Variants in RANBP17 observed in about 807,000 individuals in gnomAD.
RANBP17 encodes the protein RAN binding protein 17, also known as ran-binding protein 17.
A neutral mutation model predicts 141.2 loss-of-function variants in RANBP17; 158 were observed. That is an observed-to-expected ratio of 1.12 (90% CI 0.98 to 1.28). The LOEUF (loss-of-function observed/expected upper bound fraction) is 1.28, where lower values mean the gene tolerates loss of function less well. RANBP17 is among the 50% of genes most tolerant of loss of function. The pLI is 0.00. For synonymous variants in RANBP17, 430 were observed against 450.0 expected (o/e 0.96, Z 0.56); for missense variants, 1,438 against 1,290.7 (o/e 1.11, Z -1.75).
rs976880038 is a variant in RANBP17 at position 171,022,060 on chromosome 5, A to C, written c.1710+53683A>C. 2.6e-5 allele frequency among the ~76,000 whole-genome samples: 4 copies of C among 151,802 alleles called. No individual in the cohort carries two copies. The East Asian group carries it at 7.8e-4, about 29-fold the overall frequency. The stretch of plus-strand genomic sequence containing the variant: ...TGTAGGGTTTGCTGGGGCTTCTGTA[A>C]GGTTTGCTGGGTTTGCTGGGGGTTC... On this transcript the variant is annotated intron_variant, in intron 14 of 27. Coordinates refer to ENST00000523189, the MANE Select transcript of RANBP17 (RefSeq NM_022897.5).
At chr5:171,083,406 C>T (rs1785387883) in intron 14 of RANBP17, among the ~76,000 whole-genome samples, 1 of 152,142 alleles carries the variant, frequency 6.6e-6, no homozygotes, top group Non-Finnish European at 1.5e-5. Flanking sequence ...CCTGACTATG[C>T]TGGCATCCTT....
In RANBP17 at chr5:170,953,644, A is replaced by G; in HGVS notation, c.1516A>G (p.Arg506Gly). ...CTTAGTTGGGACAGTTGTAGGAGGA[A>G]GATTAACATATACCAGTACAGATGA... The part of the protein sequence containing the change: ...VYLVGTVVGG[R>G]LTYTSTDEHD... The change falls in exon 13 of 28, where the codon AGA becomes GGA. Residue 506 changes from arginine to glycine, a missense_variant. Transcript: ENST00000523189. 1 of 1,612,288 alleles carries G rather than the reference A, an allele frequency of 6.2e-7. No homozygotes were observed. The highest frequency in any genetic ancestry group is 1.1e-5 in the South Asian group (1 of 91,016).
At chr5:171,095,975 G>A (rs1396227326) in intron 14 of RANBP17, among the ~76,000 whole-genome samples, 1 of 152,144 alleles carries the variant, frequency 6.6e-6, no homozygotes, top group African/African-American at 2.4e-5. Flanking sequence ...TATTCATTTA[G>A]AGGAAGTGGG....
chr5:170,949,542 A>G (rs1199833013), intron 12 of RANBP17, among the ~76,000 whole-genome samples: 1 of 152,146 alleles, frequency 6.6e-6, no homozygotes, highest in African/African-American at 2.4e-5. Context: ...CCTCACACCA[A>G]CTAGGATGGA....
intron 12 of RANBP17, among the ~76,000 whole-genome samples, chr5:170,933,117 G>A (rs111644813): frequency 7.2e-4 from 109 of 152,104 alleles, no homozygotes; most frequent in Admixed American, 3.5e-3. Context: ...CAGGGATTCA[G>A]CTTCTTCCTG....
chr5:171,191,464 G>A (rs941255624), intron 18 of RANBP17, among the ~76,000 whole-genome samples: 6 of 152,016 alleles, frequency 3.9e-5, no homozygotes, highest in Admixed American at 2.0e-4. Flanking sequence ...CGAGGCAGGC[G>A]GATCACGAGG....
intron 4 of RANBP17, among the ~76,000 whole-genome samples, chr5:170,894,569 G>A (rs1446293442): frequency 6.7e-6 from 1 of 148,290 alleles, no homozygotes. Flanking sequence ...TAGTTTTCTA[G>A]AATATTATCA....
intron 4 of RANBP17, among the ~76,000 whole-genome samples, chr5:170,892,843 A>G (rs1769765394): frequency 1.3e-5 from 2 of 152,204 alleles, no homozygotes; most frequent in African/African-American, 4.8e-5. Flanking sequence ...CATGTATATA[A>G]TGCTTTTCAT....
intron 12 of RANBP17, among the ~76,000 whole-genome samples, chr5:170,936,657 C>T (rs1206628984): frequency 6.6e-6 from 1 of 152,022 alleles, no homozygotes; most frequent in African/African-American, 2.4e-5. Flanking sequence ...ATTGTCTGTC[C>T]TGGCAAACGT....
intron 22 of RANBP17, among the ~76,000 whole-genome samples, chr5:171,239,337 G>C (rs114454712): frequency 6.6e-6 from 1 of 152,140 alleles, no homozygotes; most frequent in Non-Finnish European, 1.5e-5. Flanking sequence ...CCTTTACCCT[G>C]TGCTGGTCCT....
intron 14 of RANBP17, among the ~76,000 whole-genome samples, chr5:171,104,171 G>A (rs1315815813): frequency 6.6e-6 from 1 of 152,144 alleles, no homozygotes; most frequent in Non-Finnish European, 1.5e-5. Flanking sequence ...TCGAGTAGCT[G>A]GGGTTACAGG....
intron 16 of RANBP17, among the ~76,000 whole-genome samples, chr5:171,172,178 T>C (rs1581786892): frequency 6.6e-6 from 1 of 152,074 alleles, no homozygotes; most frequent in East Asian, 1.9e-4. Context: ...TTGTATTCCT[T>C]GGTAAACCAT....
intron 11 of RANBP17, among the ~76,000 whole-genome samples, chr5:170,922,893 T>G (rs192864106): frequency 3.3e-5 from 5 of 152,288 alleles, no homozygotes; most frequent in Admixed American, 3.3e-4. Context: ...ATCACCCATC[T>G]TCTGCATTGA....
In RANBP17 at chr5:171,186,665, T is replaced by G. The variant is rs1167097494; in HGVS notation, c.2038+3235T>G. Among the ~76,000 whole-genome samples, 3 of 144,246 alleles carry G rather than the reference T, an allele frequency of 2.1e-5. No individual in the cohort carries two copies. The South Asian group carries it at 7.1e-4, about 34-fold the overall frequency. The allele number at this position is 144,246 out of a possible 152,430, so 94.6% of individuals were successfully genotyped here. On this transcript the variant is annotated intron_variant, in intron 18 of 27. Coordinates refer to ENST00000523189, the MANE Select transcript of RANBP17 (RefSeq NM_022897.5). ...CATTCTCCTGCCTCAGCCTCCCAAG[T>G]AGCTGGGACTACAGGCGCCCGCCAC...
chr5:171,179,947 A>C (rs1280651472), intron 16 of RANBP17, among the ~76,000 whole-genome samples: 1 of 152,170 alleles, frequency 6.6e-6, no homozygotes, highest in Non-Finnish European at 1.5e-5. Context: ...TTCAAAAGAT[A>C]TAGATTTTCA....
At chr5:170,933,613 G>A (rs1773593723) in intron 12 of RANBP17, among the ~76,000 whole-genome samples, 1 of 152,158 alleles carries the variant, frequency 6.6e-6, no homozygotes, top group African/African-American at 2.4e-5. Flanking sequence ...GATATGTTGT[G>A]TCTTTGTTCT....
chr5:171,251,877 A>C, intron 24 of RANBP17: 1 of 1,484,704 alleles, frequency 6.7e-7, no homozygotes, highest in South Asian at 1.1e-5. Context: ...ATGCTTCGGC[A>C]TTAGAGAAGG....
chr5:171,252,674 A>G lies in RANBP17; in HGVS notation c.2776+9854A>G, dbSNP rs1765647792. On this transcript the variant is annotated intron_variant, in intron 24 of 27. Transcript: ENST00000523189. ...TTTCCTTTAAAACTTAGTCTATTTAACACTTCAGGTGATGCCACCAATCCA... is the reference window on the plus strand; with the variant it reads ...TTTCCTTTAAAACTTAGTCTATTTAGCACTTCAGGTGATGCCACCAATCCA... The G allele has an allele frequency of 5.5e-6, 8 of 1,442,212 alleles. 1 individual carries two copies. The South Asian group carries it at 8.0e-5, about 14-fold the overall frequency. The allele number at this position is 1,442,212 out of a possible 1,614,324, so 89.3% of individuals were successfully genotyped here. A position where few individuals can be genotyped will look rare whatever the true frequency, so the allele number is the denominator to read the frequency against.
At chr5:171,265,897 C>T (rs1322625590) in intron 25 of RANBP17, 50 bp downstream of exon 25, 20 of 1,549,280 alleles carry the variant, frequency 1.3e-5, no homozygotes, top group Non-Finnish European at 1.5e-5. Context: ...TCCCAGAAGC[C>T]ATACCTGGCC....
Sources: allele counts gnomAD v4.1 joint callset (sites outside exome capture counted in the v4.1 genomes callset), GRCh38; gene constraint gnomAD v4.1.1; transcripts MANE v1.5; gene names NCBI Gene and HGNC (gene_info 2026-07-23, HGNC 2026-07-21).